Variants in ADGRL2 observed in about 807,000 individuals in gnomAD.
ADGRL2 encodes calcium-independent alpha-latrotoxin receptor 2.
Under a neutral mutation model 157.4 loss-of-function variants are expected in ADGRL2, and 44 were observed. That is an observed-to-expected ratio of 0.28 (90% confidence interval 0.22 to 0.36). The LOEUF is 0.36. ADGRL2 is among the 10% of genes least tolerant of loss of function. The pLI, the probability that ADGRL2 is intolerant of heterozygous loss-of-function variation, is 1.00. For synonymous variants in ADGRL2, 585 were observed against 624.7 expected (o/e 0.94, Z 0.95); for missense variants, 1,510 against 1,768.9 (o/e 0.85, Z 2.63).
At chr1:81,429,953 G>A (rs751041587) in intron 1 of ADGRL2, among the ~76,000 whole-genome samples, 60 of 152,272 alleles carry the variant, frequency 3.9e-4, no homozygotes, top group Non-Finnish European at 2.9e-4. Context: ...GAGGGCAATG[G>A]CGCGATCTTG....
chr1:81,421,581 T>C (rs1025716120), intron 1 of ADGRL2, among the ~76,000 whole-genome samples: 8 of 152,194 alleles, frequency 5.3e-5, no homozygotes, highest in African/African-American at 1.4e-4. Context: ...GGTGCTTTGC[T>C]CCTCTGTGGA....
rs538169391 is a variant in ADGRL2 at position 81,319,102 on chromosome 1, G to A, written c.-302+12593G>A. 5.3e-5 allele frequency among the ~76,000 whole-genome samples: 8 copies of A among 150,638 alleles called. No individual in the cohort carries two copies. In the East Asian group the frequency reaches 5.9e-4, roughly 11 times the overall value. On this transcript the variant is annotated intron_variant, in intron 1 of 24. Transcript: ENST00000370721. ...GATTACAGGCATGCACCACCACCCC[G>A]GCTAATTTTGTATTTTTTTTTTTTA...
At chr1:81,652,824 G>T (rs930863602) in intron 3 of ADGRL2, among the ~76,000 whole-genome samples, 2 of 152,232 alleles carry the variant, frequency 1.3e-5, no homozygotes, top group African/African-American at 2.4e-5. Flanking sequence ...GAGTGAGGGG[G>T]TGATTTATTA....
chr1:81,484,256 A>C (rs1462744332), intron 2 of ADGRL2, among the ~76,000 whole-genome samples: 1 of 152,330 alleles, frequency 6.6e-6, no homozygotes, highest in African/African-American at 2.4e-5. Flanking sequence ...TAAAGAGTAC[A>C]TTCTTAAATC....
intron 1 of ADGRL2, among the ~76,000 whole-genome samples, chr1:81,747,119 GTGTATATA>G (rs1010276164): frequency 1.4e-4 from 18 of 127,598 alleles, no homozygotes; most frequent in East Asian, 1.1e-3. Flanking sequence ...GTGTATATAT[GTGTATATA>G]TGTATATATG....
chr1:81,950,180 T>C lies in ADGRL2; in HGVS notation c.1211-9T>C. The stretch of plus-strand genomic sequence containing the variant: ...GTTTGAGATTAATATACTCATCTTT[T>C]TTCCATAGTGCCTACCACAGCTGTG... On this transcript the variant is annotated splice_polypyrimidine_tract_variant and intron_variant, in intron 6 of 23. Transcript: ENST00000686636. 6.2e-7 allele frequency: 1 copy of C among 1,611,826 alleles called. No individual in the cohort carries two copies. The highest frequency in any genetic ancestry group is 8.5e-7 in the Non-Finnish European group (1 of 1,178,448).
chr1:81,371,332 G>A (rs916000374), intron 1 of ADGRL2, among the ~76,000 whole-genome samples: 11 of 152,132 alleles, frequency 7.2e-5, no homozygotes, highest in Admixed American at 4.6e-4. Flanking sequence ...ATAAGGCAGA[G>A]AAACAAATGG....
intron 3 of ADGRL2, among the ~76,000 whole-genome samples, chr1:81,624,233 G>T (rs970638966): frequency 1.3e-5 from 2 of 152,174 alleles, no homozygotes; most frequent in Non-Finnish European, 2.9e-5. Context: ...TTATGGAAGC[G>T]CTATGAAACT....
chr1:81,602,803 C>T lies in ADGRL2; in HGVS notation c.-143+21823C>T, dbSNP rs572443705. Among the ~76,000 whole-genome samples, 12 of 148,782 alleles carry T rather than the reference C, an allele frequency of 8.1e-5. No homozygotes were observed. The South Asian group carries it at 2.6e-3, about 32-fold the overall frequency. On this transcript the variant is annotated intron_variant, in intron 3 of 24. Transcript: ENST00000370721. The stretch of plus-strand genomic sequence containing the variant: ...ATCCCAGCTACTCGGGGGGCTGAGG[C>T]TTGAGAATTGCTTGAACCCAGGAGA...
At chr1:81,825,886 A>T (rs1014290386) in intron 1 of ADGRL2, among the ~76,000 whole-genome samples, 1 of 152,116 alleles carries the variant, frequency 6.6e-6, no homozygotes, top group Non-Finnish European at 1.5e-5. Flanking sequence ...GGCTGGCAAG[A>T]TGGATGGAAG....
chr1:81,762,780 C>T (rs113308671), intron 2 of ADGRL2, among the ~76,000 whole-genome samples: 2 of 151,924 alleles, frequency 1.3e-5, no homozygotes, highest in Non-Finnish European at 2.9e-5. Context: ...AGGCCAGGCG[C>T]GGTGGCTCAT....
intron 1 of ADGRL2, among the ~76,000 whole-genome samples, chr1:81,333,353 C>G (rs1052170009): frequency 2.0e-5 from 3 of 151,976 alleles, no homozygotes; most frequent in Non-Finnish European, 4.4e-5. Flanking sequence ...GAGGACATAG[C>G]CCTTTAGCTG....
At chr1:81,775,576 T>G in intron 2 of ADGRL2, among the ~76,000 whole-genome samples, 1 of 149,446 alleles carries the variant, frequency 6.7e-6, no homozygotes, top group African/African-American at 2.5e-5. Context: ...GTAATAGAGG[T>G]CCTGGTTTAA....
chr1:81,409,244 AAAAGGAGAATAT>A (rs1219153528), intron 1 of ADGRL2, among the ~76,000 whole-genome samples: 1 of 151,724 alleles, frequency 6.6e-6, no homozygotes, highest in African/African-American at 2.4e-5. Context: ...AAGCAAAAAT[AAAAGGAGAATAT>A]AAAGGAGACA....
At chr1:81,846,031 C>T (rs12135833) in intron 2 of ADGRL2, among the ~76,000 whole-genome samples, 11,798 of 151,220 alleles carry the variant, frequency 0.078, 534 homozygotes, top group South Asian at 0.16. Context: ...ATTTTGAATC[C>T]GTCAGGAATT....
chr1:81,909,771 C>G (rs903858718), intron 3 of ADGRL2, among the ~76,000 whole-genome samples: 6 of 151,770 alleles, frequency 4.0e-5, no homozygotes, highest in Non-Finnish European at 5.9e-5. Flanking sequence ...AAGGAAGAGA[C>G]CAGTTGCCTT....
At chr1:81,696,527 C>T (rs890935610), upstream of ADGRL2, among the ~76,000 whole-genome samples, 10 of 151,874 alleles carry the variant, frequency 6.6e-5, no homozygotes, top group South Asian at 6.2e-4. Flanking sequence ...CTGAGGCGGG[C>T]GGATCACAAG....
intron 1 of ADGRL2, among the ~76,000 whole-genome samples, chr1:81,801,765 T>G (rs1235862376): frequency 6.6e-6 from 1 of 152,080 alleles, no homozygotes; most frequent in Non-Finnish European, 1.5e-5. Context: ...ACAAACTGAG[T>G]TGGCCTCGCG....
intron 18 of ADGRL2, among the ~76,000 whole-genome samples, 193 bp from the exon 19 acceptor site, chr1:81,981,615 G>GT (rs1661690874): frequency 6.6e-6 from 1 of 151,890 alleles, no homozygotes; most frequent in Admixed American, 6.6e-5. Context: ...TGCTGTTGCT[G>GT]TTTTCACTGG....
Sources: gnomAD v4.1 joint callset for allele counts (sites outside exome capture counted in the v4.1 genomes callset) on GRCh38, gnomAD v4.1.1 for gene constraint, MANE v1.5 for transcripts, NCBI Gene and HGNC (gene_info 2026-07-23, HGNC 2026-07-21) for gene names.